Variants in CDC42SE2 observed in about 807,000 individuals in gnomAD.
The protein encoded by CDC42SE2 is CDC42 small effector 2.
Under a neutral mutation model 11.5 loss-of-function variants are expected in CDC42SE2, and 3 were observed. The observed-to-expected ratio is 0.26, with a 90% confidence interval of 0.12 to 0.67. CDC42SE2 has a LOEUF of 0.67. Ranked by LOEUF, CDC42SE2 falls within the 30% of genes least tolerant of loss-of-function variation. CDC42SE2 has a pLI of 0.80. For synonymous variants in CDC42SE2, 33 were observed against 34.8 expected, an observed-to-expected ratio of 0.95 and a Z score of 0.18; for missense variants, 82 against 106.8, an observed-to-expected ratio of 0.77 and a Z score of 1.02.
chr5:131,239,829 CCAAA>C, the CDC42SE2 span, among the ~76,000 whole-genome samples: 1 of 152,284 alleles, frequency 6.6e-6, no homozygotes, highest in Admixed American at 6.5e-5. Flanking sequence ...GATCTCTATC[CCAAA>C]CAGAGTCCAG....
intron 2 of CDC42SE2, among the ~76,000 whole-genome samples, chr5:131,333,781 T>G (rs1288796014): frequency 6.6e-6 from 1 of 152,192 alleles, no homozygotes; most frequent in Non-Finnish European, 1.5e-5. Flanking sequence ...TATTGATGTA[T>G]AAGAATGCTT....
intron 2 of CDC42SE2, among the ~76,000 whole-genome samples, chr5:131,332,894 A>G (rs564604883): frequency 3.3e-5 from 5 of 152,266 alleles, no homozygotes; most frequent in South Asian, 2.1e-4. Flanking sequence ...GTAGGTTGCA[A>G]AAATTTTCTC....
intron 4 of CDC42SE2, among the ~76,000 whole-genome samples, chr5:131,390,627 A>G (rs774392323): frequency 6.6e-6 from 1 of 152,076 alleles, no homozygotes; most frequent in Non-Finnish European, 1.5e-5. Context: ...GTGAGCTGAG[A>G]TGACGCCAGT....
upstream of CDC42SE2, among the ~76,000 whole-genome samples, chr5:131,259,883 G>A (rs979553028): frequency 1.3e-5 from 2 of 152,240 alleles, no homozygotes; most frequent in Non-Finnish European, 2.9e-5. Flanking sequence ...CTGGCACGTT[G>A]TGGTGGCAGA....
At chr5:131,370,142 C>A (rs187028409) in intron 3 of CDC42SE2, among the ~76,000 whole-genome samples, 31 of 152,272 alleles carry the variant, frequency 2.0e-4, no homozygotes, top group Non-Finnish European at 3.8e-4. Flanking sequence ...TGAGCACATT[C>A]CATGTTGTAG....
chr5:131,386,038 T>G (rs1263641369), intron 4 of CDC42SE2, among the ~76,000 whole-genome samples: 2 of 152,242 alleles, frequency 1.3e-5, no homozygotes, highest in African/African-American at 4.8e-5. Context: ...AGTTGCCTTT[T>G]GCACACATTT....
rs1344970577 is a variant in CDC42SE2, at chr5:131,394,281, C to G, written c.*3190C>G. ...AGTCATGTGGATTGTTAGCAGTGAT[C>G]TGCATTCTGTAAAAGAGGTACTTTC... is the stretch of plus-strand genomic sequence containing the variant. On this transcript the variant is annotated 3_prime_UTR_variant, in exon 5 of 5. Coordinates refer to ENST00000505065, the MANE Select transcript of CDC42SE2 (RefSeq NM_001375635.1). The G allele has an allele frequency of 6.6e-6, 1 of 152,306 alleles. No individual in the cohort carries two copies. The highest frequency in any genetic ancestry group is 1.5e-5 in the Non-Finnish European group (1 of 68,026). The allele number at this position is 152,306 out of a possible 1,614,324, so 9.4% of individuals were successfully genotyped here. A position where few individuals can be genotyped will look rare whatever the true frequency, so the allele number is the denominator to read the frequency against.
intron 2 of CDC42SE2, among the ~76,000 whole-genome samples, chr5:131,329,839 A>G (rs1486474371): frequency 2.4e-5 from 3 of 125,782 alleles, no homozygotes; most frequent in African/African-American, 9.1e-5. Flanking sequence ...AGATTGTGCC[A>G]TTGCCCTCCA....
At chr5:131,223,841 G>T in the CDC42SE2 span, among the ~76,000 whole-genome samples, 2 of 151,912 alleles carry the variant, frequency 1.3e-5, no homozygotes, top group Non-Finnish European at 2.9e-5. Context: ...TCTTGAACTG[G>T]CCCCAATAAG....
chr5:131,351,581 A>G (rs1759013046), intron 2 of CDC42SE2, among the ~76,000 whole-genome samples: 1 of 152,236 alleles, frequency 6.6e-6, no homozygotes, highest in African/African-American at 2.4e-5. Context: ...TAAAGGTGCT[A>G]AATTAATCTG....
At position 131,312,389 on chromosome 5, in the gene CDC42SE2, TTTTG is replaced by T. The variant is rs1194166833; in HGVS notation, c.-454-3581_-454-3578del. On this transcript the variant is annotated intron_variant, in intron 1 of 4. Coordinates refer to ENST00000505065, the MANE Select transcript of CDC42SE2 (RefSeq NM_001375635.1). Reference sequence around the variant, plus strand: ...ATTTAAGTCTGCAGAGGTTACTGCTTTTTGTTTGTCTGTGCCCTGCCCCAAGAGG... The same window carrying T: ...ATTTAAGTCTGCAGAGGTTACTGCTTTTTGTCTGTGCCCTGCCCCAAGAGG... 2.0e-5 allele frequency among the ~76,000 whole-genome samples: 3 copies of T among 152,144 alleles called. No individual in the cohort carries two copies. The East Asian group carries it at 5.8e-4, about 29-fold the overall frequency.
rs960814656 is a variant in CDC42SE2, at chr5:131,380,981, C to T, written c.55-4562C>T. Among the ~76,000 whole-genome samples the T allele has an allele frequency of 3.3e-5, 5 of 152,332 alleles. No individual in the cohort carries two copies. The South Asian group carries it at 6.2e-4, about 19-fold the overall frequency. Reference sequence around the variant, plus strand: ...ACTTGATATTGCTGAATCCATTGCACGTATTTGTCTTTAATTGACCTCTCA... The same window carrying T: ...ACTTGATATTGCTGAATCCATTGCATGTATTTGTCTTTAATTGACCTCTCA... On this transcript the variant is annotated intron_variant, in intron 3 of 4. Coordinates refer to ENST00000505065, the MANE Select transcript of CDC42SE2 (RefSeq NM_001375635.1).
chr5:131,348,051 A>T (rs1758897265), intron 2 of CDC42SE2, among the ~76,000 whole-genome samples: 1 of 152,210 alleles, frequency 6.6e-6, no homozygotes. Flanking sequence ...CTGAATGGGC[A>T]AAAACTGGAA....
chr5:131,307,739 A>AC (rs1757809726), intron 1 of CDC42SE2, among the ~76,000 whole-genome samples: 1 of 152,072 alleles, frequency 6.6e-6, no homozygotes, highest in Non-Finnish European at 1.5e-5. Context: ...TTGTTTCCTG[A>AC]CTTTTTAATG....
At position 131,394,087 on chromosome 5, in the gene CDC42SE2, T is replaced by C. The variant is rs1750774261; in HGVS notation, c.*2996T>C. 1 of 152,340 alleles carries C rather than the reference T, an allele frequency of 6.6e-6. No homozygotes were observed. Among genetic ancestry groups the C allele is most frequent in the African/African-American group, 2.4e-5 (1 of 41,450 alleles). 9.4% of individuals were successfully genotyped at this position (152,340 alleles called of 1,614,324 possible). A position where few individuals can be genotyped will look rare whatever the true frequency, so the allele number is the denominator to read the frequency against. On this transcript the variant is annotated 3_prime_UTR_variant, in exon 5 of 5. Transcript: ENST00000505065. ...TTTTAGGGAGGCAGCTTTCCCACTT[T>C]TATAAAGGGGGTTGTAAATCTCAAG...
intron 2 of CDC42SE2, among the ~76,000 whole-genome samples, chr5:131,347,130 C>G: frequency 6.6e-6 from 1 of 151,962 alleles, no homozygotes; most frequent in East Asian, 1.9e-4. Context: ...TAGAAGAAGG[C>G]AAGAAATAAC....
chr5:131,284,533 G>GTAACC (rs1757302244), intron 1 of CDC42SE2, among the ~76,000 whole-genome samples: 2 of 152,122 alleles, frequency 1.3e-5, no homozygotes, highest in African/African-American at 4.8e-5. Flanking sequence ...GTGCAGTAGT[G>GTAACC]TGATCATACT....
intron 2 of CDC42SE2, among the ~76,000 whole-genome samples, chr5:131,345,573 C>A (rs991424745): frequency 2.6e-5 from 4 of 152,322 alleles, no homozygotes; most frequent in Admixed American, 1.3e-4. Flanking sequence ...GGAAAACACT[C>A]TGCAGGGTAT....
At chr5:131,271,881 C>T (rs1017108663) in intron 1 of CDC42SE2, among the ~76,000 whole-genome samples, 1 of 152,178 alleles carries the variant, frequency 6.6e-6, no homozygotes, top group African/African-American at 2.4e-5. Flanking sequence ...CCATCTGTTC[C>T]AGCATACATC....
Sources: allele counts gnomAD v4.1 joint callset (sites outside exome capture counted in the v4.1 genomes callset), GRCh38; gene constraint gnomAD v4.1.1; transcripts MANE v1.5; gene names NCBI Gene and HGNC (gene_info 2026-07-23, HGNC 2026-07-21).